NMS: variants seen among roughly 807,000 people sequenced by gnomAD.
The protein encoded by NMS is neuromedin-S.
In NMS, 30 loss-of-function variants were observed where a neutral mutation model predicts 32.2. The ratio of observed to expected loss-of-function variants is 0.93; its 90% CI spans 0.70 to 1.26. The LOEUF (loss-of-function observed/expected upper bound fraction) is 1.26, where lower values mean the gene tolerates loss of function less well. Among genes scored for constraint, NMS ranks in the 50% most tolerant of loss-of-function variants. NMS has a pLI of 0.00. For synonymous variants in NMS, 76 were observed against 58.5 expected (o/e 1.30, Z -1.37); for missense variants, 190 against 186.3 (o/e 1.02, Z -0.12).
Position 100,473,051 on chromosome 2 carries a change from G to A in NMS, c.132+201G>A, listed in dbSNP as rs118034711. Reference sequence around the variant, plus strand: ...CTACCACTGTGTGAGAAAATAATGTGAGGTTCAGAAATAGGACAATTTTAG... The same window carrying A: ...CTACCACTGTGTGAGAAAATAATGTAAGGTTCAGAAATAGGACAATTTTAG... On this transcript the variant is annotated intron_variant, in intron 2 of 9. Coordinates refer to ENST00000376865, the MANE Select transcript of NMS (RefSeq NM_001011717.1). Among the ~76,000 whole-genome samples the A allele has an allele frequency of 1.8e-4, 27 of 152,292 alleles. 1 individual carries two copies. In the East Asian group the frequency reaches 4.8e-3, roughly 27 times the overall value.
In NMS at chr2:100,477,238, T is replaced by G. The variant is rs1179508417; in HGVS notation, c.184-6T>G. ...ATCTAACTTACCCTCACAATTCTCT[T>G]TCCAGGATAATCAAGACATATACAA... On this transcript the variant is annotated splice_region_variant and splice_polypyrimidine_tract_variant and intron_variant, in intron 3 of 9. Transcript: ENST00000376865. The G allele has an allele frequency of 7.4e-6, 12 of 1,613,058 alleles. No homozygotes were observed. The highest frequency in any genetic ancestry group is 1.0e-5 in the Non-Finnish European group (12 of 1,179,144).
At chr2:100,472,048 C>G (rs747961696) in intron 1 of NMS, among the ~76,000 whole-genome samples, 9 of 152,120 alleles carry the variant, frequency 5.9e-5, no homozygotes, top group Non-Finnish European at 1.0e-4. Context: ...TCAGAGAGAA[C>G]GCAGGGAACA....
At position 100,478,919 on chromosome 2, in the gene NMS, A is replaced by T. The variant is rs370949211; in HGVS notation, c.262-434A>T. ...TGAGGATAGGCGTGTACACCTGGGTACGCACGGCAGTCACAGACAAGATTA... is the reference window on the plus strand; with the variant it reads ...TGAGGATAGGCGTGTACACCTGGGTTCGCACGGCAGTCACAGACAAGATTA... On this transcript the variant is annotated intron_variant, in intron 5 of 9. Coordinates refer to ENST00000376865, the MANE Select transcript of NMS (RefSeq NM_001011717.1). Among the ~76,000 whole-genome samples, 7 of 152,358 alleles carry T rather than the reference A, an allele frequency of 4.6e-5. No homozygotes were observed. The East Asian group carries it at 1.2e-3, about 25-fold the overall frequency.
intron 5 of NMS, among the ~76,000 whole-genome samples, 177 bp downstream of exon 5, chr2:100,477,591 T>C (rs759450410): frequency 6.6e-6 from 1 of 152,084 alleles, no homozygotes; most frequent in Non-Finnish European, 1.5e-5. Context: ...CCCTCTGGGC[T>C]GGGGGTGGTA....
chr2:100,476,895 G>A (rs749485597), intron 3 of NMS, among the ~76,000 whole-genome samples: 1 of 152,040 alleles, frequency 6.6e-6, no homozygotes, highest in East Asian at 1.9e-4. Flanking sequence ...TACACTCTGC[G>A]GCAAATTAAA....
intron 9 of NMS, among the ~76,000 whole-genome samples, chr2:100,482,824 G>T (rs925700164): frequency 3.9e-5 from 6 of 152,190 alleles, no homozygotes; most frequent in African/African-American, 7.2e-5. Flanking sequence ...TGGCCTTCAG[G>T]CCTGTGGAAG....
At chr2:100,477,518 G>A (rs1193503303) in intron 5 of NMS, 104 bp downstream of exon 5, 18 of 802,976 alleles carry the variant, frequency 2.2e-5, no homozygotes, top group African/African-American at 5.2e-5. Flanking sequence ...TGGGGGCTCC[G>A]GACATCCTCT....
intron 1 of NMS, among the ~76,000 whole-genome samples, chr2:100,471,715 T>C (rs1476114255): frequency 6.6e-6 from 1 of 152,236 alleles, no homozygotes; most frequent in Non-Finnish European, 1.5e-5. Context: ...TTGGTTTGCA[T>C]TACTTTGCAT....
chr2:100,472,215 G>A (rs1464561808), intron 1 of NMS, among the ~76,000 whole-genome samples: 3 of 151,908 alleles, frequency 2.0e-5, no homozygotes, highest in Admixed American at 6.6e-5. Flanking sequence ...TGATTCTTTC[G>A]ACTGCACTAT....
intron 6 of NMS, among the ~76,000 whole-genome samples, chr2:100,479,769 C>T (rs1475981865): frequency 1.3e-5 from 2 of 152,188 alleles, no homozygotes; most frequent in African/African-American, 4.8e-5. Flanking sequence ...CACGAAACGC[C>T]CTGGCGATAT....
chr2:100,473,457 C>G, intron 2 of NMS, 32 bp from the exon 3 acceptor site: 1 of 1,401,496 alleles, frequency 7.1e-7, no homozygotes, highest in Non-Finnish European at 9.6e-7. Flanking sequence ...CCCCTCATCC[C>G]TTTGATTTGT....
At chr2:100,480,585 G>C in intron 7 of NMS, 54 bp downstream of exon 7, 4 of 1,599,586 alleles carry the variant, frequency 2.5e-6, no homozygotes, top group Admixed American at 1.7e-5. Flanking sequence ...ACCCGAGAAG[G>C]GTGGGGAAGT....
intron 6 of NMS, 95 bp downstream of exon 6, chr2:100,479,522 C>T (rs1677176443): frequency 9.2e-7 from 1 of 1,091,706 alleles, no homozygotes; most frequent in Non-Finnish European, 1.3e-6. Flanking sequence ...TGCTGTCATT[C>T]TCTCCTCAAA....
intron 3 of NMS, among the ~76,000 whole-genome samples, chr2:100,475,440 A>G (rs1257205706): frequency 6.6e-6 from 1 of 152,154 alleles, no homozygotes. Context: ...GACATCCACA[A>G]AACTCTTCAT....
chr2:100,482,934 G>C (rs899241292), intron 9 of NMS, among the ~76,000 whole-genome samples: 1 of 152,208 alleles, frequency 6.6e-6, no homozygotes, highest in Non-Finnish European at 1.5e-5. Context: ...GCTGCCAGCA[G>C]GGGTCAGTAG....
rs953312316 is a variant in NMS, at chr2:100,481,175, A to T, written c.414+8A>T. 5 of 1,613,904 alleles carry T rather than the reference A, an allele frequency of 3.1e-6. No homozygotes were observed. The highest frequency in any genetic ancestry group is 1.7e-5 in the Admixed American group (1 of 60,028). ...CCCTTTTTCCTTTTCAGGGTATAGC[A>T]TGTTTTCTCACCTTTGCTTTCTAAC... On this transcript the variant is annotated splice_region_variant and intron_variant, in intron 8 of 9. Coordinates refer to ENST00000376865, the MANE Select transcript of NMS (RefSeq NM_001011717.1).
At chr2:100,472,373 C>T (rs565117064) in intron 1 of NMS, among the ~76,000 whole-genome samples, 20 of 152,298 alleles carry the variant, frequency 1.3e-4, no homozygotes, top group African/African-American at 4.6e-4. Flanking sequence ...AGACGGGTAT[C>T]CATGTGTCTT....
intron 1 of NMS, among the ~76,000 whole-genome samples, chr2:100,471,184 G>A (rs948418202): frequency 6.6e-6 from 1 of 152,214 alleles, no homozygotes; most frequent in Admixed American, 6.5e-5. Context: ...AGGGTCTGTG[G>A]TTGGAATCTG....
At chr2:100,482,241 G>T (rs919521345) in intron 8 of NMS, 36 bp from the exon 9 acceptor site, 3 of 1,604,444 alleles carry the variant, frequency 1.9e-6, no homozygotes, top group African/African-American at 1.3e-5. Context: ...AGAAAGTTGT[G>T]TCTCAGTATT....
Sources: allele counts gnomAD v4.1 joint callset (sites outside exome capture counted in the v4.1 genomes callset), GRCh38; gene constraint gnomAD v4.1.1; transcripts MANE v1.5; gene names NCBI Gene and HGNC (gene_info 2026-07-23, HGNC 2026-07-21).